PCDH11X: variants seen among roughly 807,000 people sequenced by gnomAD.
PCDH11X encodes protocadherin-11 X-linked.
A neutral mutation model predicts 53.3 loss-of-function variants in PCDH11X; 18 were observed. The ratio of observed to expected loss-of-function variants is 0.34; its 90% CI spans 0.23 to 0.50. PCDH11X has a LOEUF of 0.50. Among genes scored for constraint, PCDH11X ranks in the 20% least tolerant of loss-of-function variants. The pLI is 0.98. For synonymous variants in PCDH11X, 279 were observed against 393.3 expected (o/e 0.71, Z 3.44); for missense variants, 570 against 1,032.4 (o/e 0.55, Z 6.14).
intron 6 of PCDH11X, among the ~76,000 whole-genome samples, chrX:91,975,713 C>A (rs2062036965): frequency 9.0e-6 from 1 of 110,659 alleles, no homozygotes; most frequent in Non-Finnish European, 1.9e-5. Flanking sequence ...AGCTATCAAG[C>A]AGGGGGAAAG....
chrX:92,286,748 A>G (rs1270123118), intron 8 of PCDH11X, among the ~76,000 whole-genome samples: 2 of 87,775 alleles, frequency 2.3e-5, no homozygotes, highest in African/African-American at 4.2e-5. Context: ...AGTAGCTACA[A>G]CTGAAAATCT....
intron 10 of PCDH11X, among the ~76,000 whole-genome samples, chrX:92,554,673 A>G (rs776592999): frequency 0.01 from 1,115 of 108,971 alleles, 11 homozygotes; most frequent in African/African-American, 0.035. Flanking sequence ...TGAATTTTTT[A>G]TTAACTCTTT....
At chrX:91,921,568 A>G (rs1176817551) in intron 6 of PCDH11X, among the ~76,000 whole-genome samples, 1 of 107,534 alleles carries the variant, frequency 9.3e-6, no homozygotes, top group Admixed American at 1.0e-4. Flanking sequence ...TACAGTATGT[A>G]GCCATTTCCA....
At position 91,926,649 on chromosome X, in the gene PCDH11X, T is replaced by G. The variant is rs184667524; in HGVS notation, c.3033+47376T>G. ...TGTAATTCTTATTGTAATAGAGTTT[T>G]TTGCAAATATTATATTTTTTGATTT... On this transcript the variant is annotated intron_variant, in intron 6 of 10. Coordinates refer to ENST00000682573, the MANE Select transcript of PCDH11X (RefSeq NM_032968.5). Among the ~76,000 whole-genome samples the G allele has an allele frequency of 7.5e-4, 83 of 111,143 alleles. No individual in the cohort carries two copies. In the East Asian group the frequency reaches 0.021, roughly 28 times the overall value.
intron 6 of PCDH11X, among the ~76,000 whole-genome samples, chrX:92,112,364 G>A (rs1295840138): frequency 1.9e-5 from 2 of 107,649 alleles, no homozygotes; most frequent in Non-Finnish European, 3.8e-5. Flanking sequence ...AGTCATCATA[G>A]TGTCCTACTG....
intron 8 of PCDH11X, among the ~76,000 whole-genome samples, chrX:92,355,438 A>AC (rs1247589121): frequency 1.0e-5 from 1 of 99,021 alleles, no homozygotes; most frequent in Non-Finnish European, 2.0e-5. Flanking sequence ...AAAAAAAAAA[A>AC]AAAAAAAAAA....
At chrX:92,138,716 A>G (rs2065124908) in intron 6 of PCDH11X, among the ~76,000 whole-genome samples, 1 of 111,296 alleles carries the variant, frequency 9.0e-6, no homozygotes, top group Non-Finnish European at 1.9e-5. Context: ...ATATAGTCAT[A>G]ATGTACAATG....
intron 7 of PCDH11X, among the ~76,000 whole-genome samples, chrX:92,252,819 A>G (rs1382439316): frequency 9.0e-6 from 1 of 110,918 alleles, no homozygotes. Context: ...TTTATCCTCC[A>G]GAAGGTTTCT....
chrX:92,310,179 C>T (rs900750765), intron 8 of PCDH11X, among the ~76,000 whole-genome samples: 2 of 111,899 alleles, frequency 1.8e-5, no homozygotes, highest in Admixed American at 1.9e-4. Flanking sequence ...TTTTCTCCAC[C>T]GTGTCCGGTA....
chrX:92,286,454 TAAA>T (rs58210957), intron 8 of PCDH11X, among the ~76,000 whole-genome samples: 8 of 82,638 alleles, frequency 9.7e-5, no homozygotes, highest in East Asian at 4.2e-4. Context: ...ATTCAAAAAG[TAAA>T]AAAAAAAAAA....
At chrX:92,420,722 A>ATAT (rs1306168835) in intron 9 of PCDH11X, among the ~76,000 whole-genome samples, 2 of 111,456 alleles carry the variant, frequency 1.8e-5, no homozygotes, top group African/African-American at 6.5e-5. Context: ...TAGCTACTTA[A>ATAT]TATTTTCTTT....
chrX:92,377,510 A>G (rs1324052279), intron 8 of PCDH11X, among the ~76,000 whole-genome samples: 1 of 111,424 alleles, frequency 9.0e-6, no homozygotes, highest in Admixed American at 9.6e-5. Context: ...TAAATAGAAA[A>G]TATGTGATTC....
chrX:91,965,209 T>C (rs919999678), intron 6 of PCDH11X, among the ~76,000 whole-genome samples: 60 of 109,102 alleles, frequency 5.5e-4, no homozygotes, highest in Non-Finnish European at 1.0e-3. Context: ...AGACAATGCA[T>C]GAGAAAGCTG....
intron 6 of PCDH11X, among the ~76,000 whole-genome samples, chrX:92,190,058 T>C (rs1179276504): frequency 8.9e-6 from 1 of 112,155 alleles, no homozygotes; most frequent in African/African-American, 3.2e-5. Flanking sequence ...AGAAGCTCTT[T>C]AGTTTAATTA....
chrX:91,881,272 G>T (rs1386812508), intron 6 of PCDH11X, among the ~76,000 whole-genome samples: 1 of 110,545 alleles, frequency 9.0e-6, no homozygotes, highest in Non-Finnish European at 1.9e-5. Flanking sequence ...CTTTTTCCAT[G>T]ACGCATTTTA....
At chrX:92,297,602 G>A (rs764968562) in intron 8 of PCDH11X, among the ~76,000 whole-genome samples, 9 of 110,675 alleles carry the variant, frequency 8.1e-5, no homozygotes, top group South Asian at 3.8e-4. Flanking sequence ...AGCTTTTTTC[G>A]TTTTGCCTAG....
At chrX:92,434,915 C>G (rs944460068) in intron 9 of PCDH11X, among the ~76,000 whole-genome samples, 1 of 110,230 alleles carries the variant, frequency 9.1e-6, no homozygotes, top group Non-Finnish European at 1.9e-5. Flanking sequence ...TGAGGAAGAA[C>G]CAACACAAGA....
chrX:92,265,955 T>A (rs2067820952), intron 8 of PCDH11X, among the ~76,000 whole-genome samples: 1 of 112,308 alleles, frequency 8.9e-6, no homozygotes, highest in African/African-American at 3.2e-5. Flanking sequence ...TTCTGTCAAC[T>A]ACAATAATGC....
At chrX:91,794,394 G>A (rs1381074927) in intron 1 of PCDH11X, among the ~76,000 whole-genome samples, 2 of 111,501 alleles carry the variant, frequency 1.8e-5, no homozygotes, top group African/African-American at 6.5e-5. Context: ...TGTAGACTGA[G>A]TTACTGGTGG....
Sources: allele counts gnomAD v4.1 joint callset (sites outside exome capture counted in the v4.1 genomes callset), GRCh38; gene constraint gnomAD v4.1.1; transcripts MANE v1.5; gene names NCBI Gene and HGNC (gene_info 2026-07-23, HGNC 2026-07-21).